RBFOX1: variants seen among roughly 807,000 people sequenced by gnomAD.
RBFOX1 encodes the protein RNA binding protein fox-1 homolog 1.
RBFOX1 carries 8 observed loss-of-function variants against 57.7 expected under a neutral mutation model. The ratio of observed to expected loss-of-function variants is 0.14; its 90% CI spans 0.08 to 0.25. The LOEUF is 0.25. Ranked by LOEUF, RBFOX1 falls within the 10% of genes least tolerant of loss-of-function variation. RBFOX1 has a pLI of 1.00. For synonymous variants in RBFOX1, 326 were observed against 222.4 expected, an observed-to-expected ratio of 1.47 and a Z score of -4.15; for missense variants, 611 against 548.5, an observed-to-expected ratio of 1.11 and a Z score of -1.14.
intron 5 of RBFOX1, among the ~76,000 whole-genome samples, chr16:7,568,851 C>T (rs984259118): frequency 1.1e-4 from 15 of 136,424 alleles, no homozygotes; most frequent in South Asian, 4.9e-4. Flanking sequence ...CACGCCACTG[C>T]ACTCCAGCCT....
chr16:7,473,102 G>A (rs1056427872), intron 4 of RBFOX1, among the ~76,000 whole-genome samples: 1 of 152,136 alleles, frequency 6.6e-6, no homozygotes, highest in African/African-American at 2.4e-5. Flanking sequence ...TCTCCGCTAG[G>A]TGCAGTGGCT....
At chr16:6,639,052 C>A (rs559955376) in intron 2 of RBFOX1, among the ~76,000 whole-genome samples, 1 of 152,194 alleles carries the variant, frequency 6.6e-6, no homozygotes, top group African/African-American at 2.4e-5. Flanking sequence ...ACCCAGCCAC[C>A]TACAAAGCTT....
In RBFOX1 at chr16:6,234,034, G is replaced by A. The variant is rs1394116036; in HGVS notation, c.-126-82961G>A. 3.3e-5 allele frequency among the ~76,000 whole-genome samples: 5 copies of A among 152,154 alleles called. No individual in the cohort carries two copies. In the East Asian group the frequency reaches 5.8e-4, roughly 18 times the overall value. ...GCATCCTCTGGAGGGGAAGAATGCC[G>A]TGTCCTCACATGGCAGATGGGCAGG... On this transcript the variant is annotated intron_variant, in intron 1 of 15. Coordinates refer to ENST00000550418, the MANE Select transcript of RBFOX1 (RefSeq NM_018723.4).
intron 3 of RBFOX1, among the ~76,000 whole-genome samples, chr16:6,822,346 T>A (rs1336649985): frequency 6.6e-6 from 1 of 152,218 alleles, no homozygotes; most frequent in African/African-American, 2.4e-5. Context: ...TCTCAGCCAT[T>A]CTGTGGTCTG....
intron 3 of RBFOX1, among the ~76,000 whole-genome samples, chr16:6,674,420 A>C (rs1013470110): frequency 2.0e-5 from 3 of 151,648 alleles, no homozygotes; most frequent in African/African-American, 7.3e-5. Flanking sequence ...CTCCTGGGTT[A>C]AATTGATTCT....
intron 2 of RBFOX1, among the ~76,000 whole-genome samples, chr16:6,394,833 G>C (rs1480508530): frequency 2.6e-5 from 4 of 152,136 alleles, no homozygotes; most frequent in Non-Finnish European, 2.9e-5. Context: ...GAAAAGATCA[G>C]TTTGGGAAGG....
intron 3 of RBFOX1, among the ~76,000 whole-genome samples, chr16:5,691,666 G>T (rs554914236): frequency 1.1e-4 from 16 of 152,318 alleles, no homozygotes; most frequent in Admixed American, 9.8e-4. Flanking sequence ...TGGTGCTCAA[G>T]GAGTTTCAGA....
chr16:5,694,760 C>A (rs1245531852), intron 3 of RBFOX1, among the ~76,000 whole-genome samples: 3 of 151,512 alleles, frequency 2.0e-5, no homozygotes, highest in Admixed American at 6.6e-5. Context: ...CCATTCTGCT[C>A]TTCTGCTTGA....
chr16:6,906,411 A>C (rs1030512226), intron 3 of RBFOX1, among the ~76,000 whole-genome samples: 6 of 152,084 alleles, frequency 3.9e-5, no homozygotes, highest in African/African-American at 1.4e-4. Flanking sequence ...CAATGCTGGA[A>C]GAAAATTATG....
chr16:6,117,834 A>T (rs150387541), intron 1 of RBFOX1, among the ~76,000 whole-genome samples: 1 of 152,338 alleles, frequency 6.6e-6, no homozygotes, highest in African/African-American at 2.4e-5. Context: ...GTTTTCTTTA[A>T]GATTTTTTAT....
chr16:5,668,679 A>G (rs774089567), intron 3 of RBFOX1, among the ~76,000 whole-genome samples: 1 of 152,162 alleles, frequency 6.6e-6, no homozygotes, highest in African/African-American at 2.4e-5. Context: ...CCTTTCCCCT[A>G]TCATCAAGAT....
At chr16:5,538,789 G>A (rs566001272) in intron 2 of RBFOX1, among the ~76,000 whole-genome samples, 2 of 152,044 alleles carry the variant, frequency 1.3e-5, no homozygotes, top group South Asian at 2.1e-4. Flanking sequence ...ACCATGCCCA[G>A]CTAATTTTTT....
rs1018395480 is a variant in RBFOX1, at chr16:6,097,705, C to G, written c.-127+77713C>G. Among the ~76,000 whole-genome samples, 2 of 151,794 alleles carry G rather than the reference C, an allele frequency of 1.3e-5. No homozygotes were observed. The highest frequency in any genetic ancestry group is 2.4e-5 in the African/African-American group (1 of 41,298). On this transcript the variant is annotated intron_variant, in intron 1 of 15. Transcript: ENST00000550418. This position sits in a 1 kb window ranked among gnomAD's most constrained non-coding sequence, Gnocchi z 5.0. ...ACCCTAGGGCTTGTGAATCTGGAGC[C>G]CATAGACTCAACTCCTGTGCTATAC...
intron 3 of RBFOX1, among the ~76,000 whole-genome samples, chr16:5,821,150 G>C (rs2055838925): frequency 6.6e-6 from 1 of 152,124 alleles, no homozygotes; most frequent in Non-Finnish European, 1.5e-5. Context: ...CTCTGCTGCA[G>C]ACTGCTGTCA....
chr16:6,086,147 G>T (rs776108047), intron 1 of RBFOX1, among the ~76,000 whole-genome samples: 1 of 152,126 alleles, frequency 6.6e-6, no homozygotes, highest in Non-Finnish European at 1.5e-5. Context: ...TGCAAAGGAC[G>T]TGATTTCATT....
chr16:6,869,516 T>C (rs556369914), intron 3 of RBFOX1, among the ~76,000 whole-genome samples: 1 of 152,020 alleles, frequency 6.6e-6, no homozygotes, highest in African/African-American at 2.4e-5. Flanking sequence ...TCAACACATA[T>C]AAAAGGGTTT....
chr16:6,565,500 A>G (rs2345082), intron 2 of RBFOX1, among the ~76,000 whole-genome samples: 77,456 of 147,326 alleles, frequency 0.53, 21,485 homozygotes, highest in South Asian at 0.74. Flanking sequence ...CTCGTGATCC[A>G]CCTGCTTCGG....
chr16:6,503,727 A>C (rs764064529), intron 2 of RBFOX1, among the ~76,000 whole-genome samples: 3 of 152,108 alleles, frequency 2.0e-5, no homozygotes, highest in Non-Finnish European at 2.9e-5. Flanking sequence ...TCTGATGTCT[A>C]CTGGACCAAA....
chr16:7,303,624 G>GA (rs1022387583), intron 4 of RBFOX1, among the ~76,000 whole-genome samples: 10 of 152,058 alleles, frequency 6.6e-5, no homozygotes, highest in African/African-American at 9.6e-5. Flanking sequence ...GGAAAAAAAG[G>GA]AAAAAAAATC....
Sources: allele counts gnomAD v4.1 joint callset (sites outside exome capture counted in the v4.1 genomes callset), GRCh38; gene constraint gnomAD v4.1.1; non-coding constraint Gnocchi (gnomAD v3.1); transcripts MANE v1.5; gene names NCBI Gene and HGNC (gene_info 2026-07-23, HGNC 2026-07-21).